The following CACNA2D3 variants were observed in gnomAD, a reference collection of about 807,000 sequenced individuals.
CACNA2D3 encodes calcium voltage-gated channel auxiliary subunit alpha2delta 3.
A neutral mutation model predicts 160.6 loss-of-function variants in CACNA2D3; 60 were observed. The observed-to-expected ratio is 0.37, with a 90% CI of 0.30 to 0.46. The LOEUF (loss-of-function observed/expected upper bound fraction) is 0.46. CACNA2D3 is among the 20% of genes least tolerant of loss of function. The probability of loss-of-function intolerance (pLI) is 1.00; values close to 1 mark genes in which losing one functional copy is unlikely to be tolerated. For synonymous variants in CACNA2D3, 558 were observed against 492.9 expected (o/e 1.13, Z -1.75); for missense variants, 1,205 against 1,365.0 (o/e 0.88, Z 1.85).
chr3:54,423,829 G>T (rs962458322), intron 4 of CACNA2D3, among the ~76,000 whole-genome samples: 1 of 152,088 alleles, frequency 6.6e-6, no homozygotes, highest in Non-Finnish European at 1.5e-5. Context: ...GGGAGCACAG[G>T]CTCCATATTC....
Position 55,074,192 on chromosome 3 carries a change from C to A in CACNA2D3, c.3262C>A (p.Leu1088Ile), listed in dbSNP as rs1704895004. ...CCTTCTGCTCCCTCTGCTTTTGATG[C>A]TCTTCTCAAGGTGACACTGACTGAG... ...VLLLLPLLLM[L>I]FSR The change falls in exon 38 of 38, where the codon CTC (leucine) becomes ATC (isoleucine). Residue 1088 changes from leucine to isoleucine, a missense_variant. Coordinates refer to ENST00000474759, the MANE Select transcript of CACNA2D3 (RefSeq NM_018398.3). The A allele has an allele frequency of 2.5e-6, 4 of 1,613,420 alleles. No homozygotes were observed. The highest frequency in any genetic ancestry group is 2.5e-6 in the Non-Finnish European group (3 of 1,179,476).
chr3:54,320,892 T>C (rs1226638830), intron 3 of CACNA2D3, among the ~76,000 whole-genome samples: 1 of 152,242 alleles, frequency 6.6e-6, no homozygotes, highest in Non-Finnish European at 1.5e-5. Context: ...AGGGTTCAAC[T>C]AAGCTCTAGT....
At chr3:54,641,871 G>T (rs902530278) in intron 10 of CACNA2D3, among the ~76,000 whole-genome samples, 1 of 152,162 alleles carries the variant, frequency 6.6e-6, no homozygotes, top group Non-Finnish European at 1.5e-5. Flanking sequence ...ATTTCTTTGG[G>T]ATTCCCTTGG....
chr3:54,921,856 CTGTTA>C (rs1304873378), intron 27 of CACNA2D3, among the ~76,000 whole-genome samples: 1 of 151,626 alleles, frequency 6.6e-6, no homozygotes, highest in African/African-American at 2.4e-5. Context: ...CTGGGCTAGT[CTGTTA>C]TGTCGGTTAG....
intron 11 of CACNA2D3, among the ~76,000 whole-genome samples, chr3:54,646,192 TTG>T (rs1699645356): frequency 1.5e-4 from 1 of 6,678 alleles, no homozygotes; most frequent in Admixed American, 1.9e-3. Flanking sequence ...CCCTCCTTCC[TTG>T]CTTCCTTCCT....
intron 2 of CACNA2D3, among the ~76,000 whole-genome samples, chr3:54,280,471 G>C (rs145306082): frequency 1.3e-5 from 2 of 152,238 alleles, no homozygotes; most frequent in African/African-American, 2.4e-5. Context: ...ACCCAAAGAA[G>C]TTCCTGTATT....
intron 4 of CACNA2D3, among the ~76,000 whole-genome samples, chr3:54,493,455 A>G (rs1701148981): frequency 1.3e-5 from 2 of 152,178 alleles, no homozygotes; most frequent in African/African-American, 4.8e-5. Context: ...TCCAGTGCTT[A>G]TTCCAGTATT....
At chr3:54,272,210 C>G (rs1041766737) in intron 2 of CACNA2D3, among the ~76,000 whole-genome samples, 1 of 152,242 alleles carries the variant, frequency 6.6e-6, no homozygotes, top group East Asian at 1.9e-4. Flanking sequence ...TTACCAGTCA[C>G]TGCCACCGTT....
chr3:54,839,682 C>T lies in CACNA2D3; in HGVS notation c.1551+1034C>T, dbSNP rs542713974. Among the ~76,000 whole-genome samples the T allele has an allele frequency of 1.1e-4, 17 of 152,252 alleles. No individual in the cohort carries two copies. In the South Asian group the frequency reaches 1.9e-3, roughly 17 times the overall value. On this transcript the variant is annotated intron_variant, in intron 16 of 37. Transcript: ENST00000474759. ...GGGGCTTCTTTCTTGGCACCACCCT[C>T]CCTGATGTGCTGGGGCCTGATTCAC...
intron 2 of CACNA2D3, among the ~76,000 whole-genome samples, chr3:54,154,542 GATT>G (rs1426587882): frequency 6.6e-6 from 1 of 151,378 alleles, no homozygotes; most frequent in Non-Finnish European, 1.5e-5. Context: ...CCCCCCGAAT[GATT>G]ATTGTTTCCC....
intron 2 of CACNA2D3, among the ~76,000 whole-genome samples, chr3:54,160,826 T>C (rs1700331121): frequency 6.6e-6 from 1 of 152,260 alleles, no homozygotes; most frequent in Non-Finnish European, 1.5e-5. Context: ...ATTTTCTGTG[T>C]ATTTTATGAG....
intron 2 of CACNA2D3, among the ~76,000 whole-genome samples, chr3:54,217,939 TAG>T (rs547476965): frequency 1.4e-4 from 21 of 147,570 alleles, no homozygotes; most frequent in Admixed American, 8.7e-4. Context: ...GTTAGAGAGG[TAG>T]AGAGAGAGGT....
At chr3:54,915,396 C>T (rs2106916031) in intron 27 of CACNA2D3, among the ~76,000 whole-genome samples, 1 of 152,242 alleles carries the variant, frequency 6.6e-6, no homozygotes, top group Non-Finnish European at 1.5e-5. Flanking sequence ...GACGAAAGAA[C>T]TATATTTTTA....
intron 4 of CACNA2D3, among the ~76,000 whole-genome samples, chr3:54,390,020 C>T (rs900797669): frequency 4.6e-5 from 7 of 151,966 alleles, no homozygotes; most frequent in South Asian, 2.1e-4. Flanking sequence ...AGTGATTGTG[C>T]GGGAGAGAGT....
At chr3:54,380,668 G>A (rs1699087046) in intron 3 of CACNA2D3, among the ~76,000 whole-genome samples, 1 of 152,112 alleles carries the variant, frequency 6.6e-6, no homozygotes, top group Non-Finnish European at 1.5e-5. Context: ...AACCCGGGAG[G>A]GGAGCTTGCA....
At chr3:54,896,902 TGTCTG>T in intron 26 of CACNA2D3, 32 bp downstream of exon 26, 1 of 1,613,650 alleles carries the variant, frequency 6.2e-7, no homozygotes. Context: ...GGGCTCTGTC[TGTCTG>T]GTCCAGTGGG....
chr3:54,747,785 C>A (rs1299745635), intron 11 of CACNA2D3, among the ~76,000 whole-genome samples: 1 of 152,148 alleles, frequency 6.6e-6, no homozygotes, highest in African/African-American at 2.4e-5. Context: ...ATGGCTTGTT[C>A]CTTCTCCCCC....
intron 2 of CACNA2D3, among the ~76,000 whole-genome samples, chr3:54,188,166 T>C (rs191753491): frequency 7.2e-5 from 11 of 152,274 alleles, no homozygotes; most frequent in Non-Finnish European, 1.5e-5. Context: ...TAGGTCATGG[T>C]TGTGCTTTTT....
chr3:54,559,159 G>A (rs1702285370), intron 5 of CACNA2D3, among the ~76,000 whole-genome samples: 1 of 152,114 alleles, frequency 6.6e-6, no homozygotes, highest in Non-Finnish European at 1.5e-5. Flanking sequence ...TTGAAACAGG[G>A]TCTTCAGAGG....
Sources: allele counts gnomAD v4.1 joint callset (sites outside exome capture counted in the v4.1 genomes callset), GRCh38; gene constraint gnomAD v4.1.1; transcripts MANE v1.5; gene names NCBI Gene and HGNC (gene_info 2026-07-23, HGNC 2026-07-21).